Variants in S100Z observed in about 807,000 individuals in gnomAD.
The protein encoded by S100Z is S100 calcium binding protein Z.
In S100Z, 11 loss-of-function variants were observed where a neutral mutation model predicts 8.5. The ratio of observed to expected loss-of-function variants is 1.30; its 90% confidence interval spans 0.82 to 2.15. The LOEUF (loss-of-function observed/expected upper bound fraction) is 2.15, where lower values mean the gene tolerates loss of function less well. Among genes scored for constraint, S100Z ranks in the 30% most tolerant of loss-of-function variants. The pLI, the probability that S100Z is intolerant of heterozygous loss-of-function variation, is 0.00. For missense variants in S100Z, 126 were observed against 117.9 expected (o/e 1.07, Z -0.32); for synonymous variants, 34 against 43.8 (o/e 0.78, Z 0.89).
intron 4 of S100Z, among the ~76,000 whole-genome samples, chr5:76,892,425 A>G (rs1183882546): frequency 2.0e-5 from 3 of 152,198 alleles, no homozygotes. Flanking sequence ...TTTCAAGGGG[A>G]ACTCATTAAA....
intron 2 of S100Z, among the ~76,000 whole-genome samples, chr5:76,873,491 A>G (rs1250702856): frequency 6.6e-6 from 1 of 152,038 alleles, no homozygotes; most frequent in African/African-American, 2.4e-5. Flanking sequence ...TATTTTTAGT[A>G]GAGACAGGGT....
At chr5:76,878,407 C>G (rs184820296) in intron 4 of S100Z, among the ~76,000 whole-genome samples, 1 of 152,294 alleles carries the variant, frequency 6.6e-6, no homozygotes, top group East Asian at 1.9e-4. Context: ...AAATACCCTC[C>G]TTTGCCCCTT....
At chr5:76,907,208 G>A (rs916436602) in intron 4 of S100Z, among the ~76,000 whole-genome samples, 2 of 151,608 alleles carry the variant, frequency 1.3e-5, no homozygotes, top group Non-Finnish European at 2.9e-5. Flanking sequence ...GAGCATATAT[G>A]TGTGCGTCTA....
intron 1 of S100Z, among the ~76,000 whole-genome samples, chr5:76,858,247 G>A (rs1303683120): frequency 2.6e-5 from 4 of 152,222 alleles, no homozygotes; most frequent in Non-Finnish European, 5.9e-5. Flanking sequence ...GATGGGCTAA[G>A]TGCGGTGGCT....
chr5:76,871,807 G>C (rs536730570), intron 2 of S100Z, among the ~76,000 whole-genome samples: 1 of 152,170 alleles, frequency 6.6e-6, no homozygotes, highest in Admixed American at 6.5e-5. Context: ...GATTACAGGC[G>C]TGAGCCACCG....
chr5:76,946,621 T>C, the S100Z span, among the ~76,000 whole-genome samples: 1 of 152,200 alleles, frequency 6.6e-6, no homozygotes, highest in African/African-American at 2.4e-5. Flanking sequence ...AATTTAATAA[T>C]AATATGAAAA....
chr5:76,895,966 T>C (rs1204971552), intron 4 of S100Z, among the ~76,000 whole-genome samples: 1 of 151,988 alleles, frequency 6.6e-6, no homozygotes, highest in Non-Finnish European at 1.5e-5. Context: ...TTTCACCATG[T>C]TGGCCAGGCT....
At chr5:76,907,804 C>A (rs528330164) in intron 4 of S100Z, among the ~76,000 whole-genome samples, 59 of 152,128 alleles carry the variant, frequency 3.9e-4, no homozygotes, top group Middle Eastern at 3.4e-3. Context: ...GAAAAAAATT[C>A]TAATGTAAAA....
At chr5:76,907,011 T>TATATACAC (rs1744474638) in intron 4 of S100Z, among the ~76,000 whole-genome samples, 1 of 108,698 alleles carries the variant, frequency 9.2e-6, no homozygotes, top group Non-Finnish European at 1.6e-5. Flanking sequence ...TATATATATA[T>TATATACAC]ATATATATAT....
At chr5:76,936,792 T>G in the S100Z span, among the ~76,000 whole-genome samples, 1 of 152,102 alleles carries the variant, frequency 6.6e-6, no homozygotes. Flanking sequence ...TGCAGAATCC[T>G]GCCTAGGATT....
At chr5:76,879,723 A>G (rs968940837) in intron 4 of S100Z, among the ~76,000 whole-genome samples, 1 of 152,240 alleles carries the variant, frequency 6.6e-6, no homozygotes, top group African/African-American at 2.4e-5. Context: ...AAGAAAAGGA[A>G]GAGCCCATAA....
the S100Z span, among the ~76,000 whole-genome samples, chr5:76,939,517 C>CT: frequency 0.24 from 33,001 of 139,586 alleles, 4,235 homozygotes; most frequent in Middle Eastern, 0.39. Flanking sequence ...TGGTGTTTAA[C>CT]TTTTTTTTTT....
At chr5:76,886,346 A>G (rs910697133) in intron 4 of S100Z, among the ~76,000 whole-genome samples, 4 of 152,192 alleles carry the variant, frequency 2.6e-5, no homozygotes, top group Admixed American at 6.5e-5. Flanking sequence ...TGAAATTATG[A>G]GAAGGGACAG....
At chr5:76,897,690 T>A (rs1198492821) in intron 4 of S100Z, among the ~76,000 whole-genome samples, 4 of 152,098 alleles carry the variant, frequency 2.6e-5, no homozygotes, top group African/African-American at 9.7e-5. Flanking sequence ...TACAGAGATC[T>A]TTCACTTCTT....
intron 1 of S100Z, among the ~76,000 whole-genome samples, chr5:76,856,053 TTCC>T (rs1045154473): frequency 9.9e-5 from 15 of 152,164 alleles, no homozygotes; most frequent in African/African-American, 2.9e-4. Context: ...TTCCTCCTCC[TTCC>T]TCCTCCTCCG....
At chr5:76,951,597 CT>C in the S100Z span, among the ~76,000 whole-genome samples, 1 of 152,154 alleles carries the variant, frequency 6.6e-6, no homozygotes, top group Admixed American at 6.5e-5. Flanking sequence ...GGAGATAGAG[CT>C]GAAGATGGCC....
chr5:76,907,034 A>T (rs1352730303), intron 4 of S100Z, among the ~76,000 whole-genome samples: 5 of 136,156 alleles, frequency 3.7e-5, no homozygotes, highest in Non-Finnish European at 6.1e-5. Context: ...ACATATATAT[A>T]TACCAAATTT....
intron 4 of S100Z, among the ~76,000 whole-genome samples, chr5:76,918,926 A>G (rs2150688058): frequency 6.6e-6 from 1 of 152,308 alleles, no homozygotes; most frequent in South Asian, 2.1e-4. Flanking sequence ...ATAATGTCAT[A>G]TAATTGGAGT....
Position 76,912,693 on chromosome 5 carries a change from G to A in S100Z, c.*3-8024G>A, listed in dbSNP as rs933217819. ...TAAAATACGACAAGGAAATCATGGAGTGATTGCACTCAGTGCAAATACTCA... is the reference window on the plus strand; with the variant it reads ...TAAAATACGACAAGGAAATCATGGAATGATTGCACTCAGTGCAAATACTCA... On this transcript the variant is annotated intron_variant, in intron 4 of 4. Transcript: ENST00000317593. 1.3e-5 allele frequency among the ~76,000 whole-genome samples: 2 copies of A among 152,256 alleles called. 1 individual carries two copies. The highest frequency in any genetic ancestry group is 1.3e-4 in the Admixed American group (2 of 15,288).
Sources: gnomAD v4.1 joint callset for allele counts (sites outside exome capture counted in the v4.1 genomes callset) on GRCh38, gnomAD v4.1.1 for gene constraint, MANE v1.5 for transcripts, NCBI Gene and HGNC (gene_info 2026-07-23, HGNC 2026-07-21) for gene names.